The following SUGCT variants were observed in gnomAD, a reference collection of about 807,000 sequenced individuals.
SUGCT encodes the protein succinyl-CoA:glutarate-CoA transferase, also known as succinyl-CoA:glutarate CoA-transferase.
Under a neutral mutation model 55.0 loss-of-function variants are expected in SUGCT, and 41 were observed. That is an observed-to-expected ratio of 0.74 (90% confidence interval 0.58 to 0.97). The LOEUF is 0.97. Ranked by LOEUF, SUGCT falls within the 50% of genes least tolerant of loss-of-function variation. SUGCT has a pLI of 0.00. For synonymous variants in SUGCT, 187 were observed against 200.4 expected (o/e 0.93, Z 0.56); for missense variants, 568 against 547.8 (o/e 1.04, Z -0.37).
At chr7:40,462,714 C>T (rs1367356810) in intron 11 of SUGCT, among the ~76,000 whole-genome samples, 1 of 152,164 alleles carries the variant, frequency 6.6e-6, no homozygotes, top group South Asian at 2.1e-4. Context: ...GTTCTGAGCA[C>T]TAGGGATATA....
intron 12 of SUGCT, among the ~76,000 whole-genome samples, chr7:40,537,790 C>T (rs1488921939): frequency 6.6e-6 from 1 of 152,050 alleles, no homozygotes; most frequent in Non-Finnish European, 1.5e-5. Context: ...GTTCCTGAAG[C>T]GATTTTTTTA....
At chr7:40,285,646 A>G (rs1369279304) in intron 8 of SUGCT, among the ~76,000 whole-genome samples, 1 of 152,106 alleles carries the variant, frequency 6.6e-6, no homozygotes, top group East Asian at 1.9e-4. Flanking sequence ...TTATGCCATC[A>G]TTGTAGCTAA....
chr7:40,902,931 C>G, the SUGCT span, among the ~76,000 whole-genome samples: 2 of 152,170 alleles, frequency 1.3e-5, no homozygotes, highest in East Asian at 3.9e-4. Flanking sequence ...TAATCCTCTC[C>G]TGTTACAGAG....
the SUGCT span, among the ~76,000 whole-genome samples, chr7:41,006,741 A>G: frequency 6.6e-6 from 1 of 152,208 alleles, no homozygotes; most frequent in Non-Finnish European, 1.5e-5. Flanking sequence ...CAGCCAGTCT[A>G]CCTGAAAGGC....
the SUGCT span, among the ~76,000 whole-genome samples, chr7:40,961,647 G>A: frequency 6.6e-6 from 1 of 152,198 alleles, no homozygotes; most frequent in Non-Finnish European, 1.5e-5. Flanking sequence ...GAATGAAGCT[G>A]AGAACCCTCG....
the SUGCT span, among the ~76,000 whole-genome samples, chr7:40,975,714 A>C: frequency 6.6e-6 from 1 of 152,084 alleles, no homozygotes; most frequent in East Asian, 1.9e-4. Context: ...TTCTACCTAT[A>C]TTTTCTTGGC....
intron 12 of SUGCT, among the ~76,000 whole-genome samples, chr7:40,743,945 G>A (rs767196228): frequency 1.2e-4 from 18 of 151,346 alleles, no homozygotes; most frequent in South Asian, 2.1e-4. Context: ...TTTTTGAAAC[G>A]GAGTCTTGCT....
chr7:40,465,348 G>T (rs1583751466), intron 11 of SUGCT, among the ~76,000 whole-genome samples: 1 of 152,126 alleles, frequency 6.6e-6, no homozygotes, highest in Non-Finnish European at 1.5e-5. Flanking sequence ...AGTGGTTCAC[G>T]CCTGTAATCC....
intron 9 of SUGCT, among the ~76,000 whole-genome samples, chr7:40,392,686 C>T (rs1785509452): frequency 1.3e-5 from 2 of 152,016 alleles, no homozygotes; most frequent in Admixed American, 6.6e-5. Context: ...AGGTAAATTA[C>T]TCTTGAATGG....
At chr7:40,407,012 T>G (rs1349836956) in intron 9 of SUGCT, among the ~76,000 whole-genome samples, 1 of 151,874 alleles carries the variant, frequency 6.6e-6, no homozygotes, top group Non-Finnish European at 1.5e-5. Context: ...CGAAATAAAG[T>G]CTACCTTACA....
chr7:40,650,720 T>C (rs1458164024), intron 12 of SUGCT, among the ~76,000 whole-genome samples: 2 of 152,224 alleles, frequency 1.3e-5, no homozygotes, highest in East Asian at 3.8e-4. Flanking sequence ...TTTGTACTTT[T>C]TTATTTTAAG....
chr7:40,796,058 C>T (rs1434157696), intron 13 of SUGCT, among the ~76,000 whole-genome samples: 1 of 151,898 alleles, frequency 6.6e-6, no homozygotes, highest in Non-Finnish European at 1.5e-5. Context: ...TATAATAACC[C>T]ATTTGGATCC....
intron 12 of SUGCT, among the ~76,000 whole-genome samples, chr7:40,617,823 G>T (rs1260354424): frequency 6.6e-6 from 1 of 152,050 alleles, no homozygotes; most frequent in East Asian, 1.9e-4. Context: ...AAAAGCTAAA[G>T]AGATTGTTTT....
chr7:40,620,716 A>G (rs1201245712), intron 12 of SUGCT, among the ~76,000 whole-genome samples: 1 of 152,160 alleles, frequency 6.6e-6, no homozygotes, highest in African/African-American at 2.4e-5. Flanking sequence ...AACTCTTAAC[A>G]TAGTATGGTA....
intron 6 of SUGCT, among the ~76,000 whole-genome samples, chr7:40,212,277 T>C (rs1787385162): frequency 6.6e-6 from 1 of 151,492 alleles, no homozygotes; most frequent in South Asian, 2.1e-4. Flanking sequence ...AAAAAGAAAT[T>C]AGCTGGGAAT....
rs1584445235 is a variant in SUGCT, at chr7:40,790,252, A to G, written c.1153+40755A>G. Among the ~76,000 whole-genome samples the G allele has an allele frequency of 2.0e-5, 3 of 152,128 alleles. No individual in the cohort carries two copies. The East Asian group carries it at 5.8e-4, about 29-fold the overall frequency. Reference sequence around the variant, plus strand: ...GTGAGTGAGTTCTCACCAGATCTGAATGTTTTATAAGGGGCTTTCCCCCAT... The same window carrying G: ...GTGAGTGAGTTCTCACCAGATCTGAGTGTTTTATAAGGGGCTTTCCCCCAT... On this transcript the variant is annotated intron_variant, in intron 13 of 13. Transcript: ENST00000335693.
the SUGCT span, among the ~76,000 whole-genome samples, chr7:41,018,922 T>C: frequency 6.6e-6 from 1 of 151,960 alleles, no homozygotes; most frequent in Non-Finnish European, 1.5e-5. Flanking sequence ...TTTTTTTTTT[T>C]TGAGACGGAG....
the SUGCT span, among the ~76,000 whole-genome samples, chr7:40,912,098 A>G: frequency 3.3e-5 from 5 of 151,750 alleles, no homozygotes; most frequent in Non-Finnish European, 4.4e-5. Context: ...AGGATGCTTC[A>G]CTTCAACTTA....
chr7:40,901,256 C>T, the SUGCT span, among the ~76,000 whole-genome samples: 1 of 152,140 alleles, frequency 6.6e-6, no homozygotes, highest in Admixed American at 6.5e-5. Context: ...GAGGAAGTGA[C>T]CCAGGCTAGC....
Sources: allele counts gnomAD v4.1 joint callset (sites outside exome capture counted in the v4.1 genomes callset), GRCh38; gene constraint gnomAD v4.1.1; transcripts MANE v1.5; gene names NCBI Gene and HGNC (gene_info 2026-07-23, HGNC 2026-07-21).